Variants in FBXL17 observed in about 807,000 individuals in gnomAD.
FBXL17 encodes F-box and leucine rich repeat protein 17, also known as F-box/LRR-repeat protein 17.
In FBXL17, 22 loss-of-function variants were observed where a neutral mutation model predicts 66.2. That is an observed-to-expected ratio of 0.33 (90% CI 0.24 to 0.47). The LOEUF is 0.47. Ranked by LOEUF, FBXL17 falls within the 20% of genes least tolerant of loss-of-function variation. The pLI, the probability that FBXL17 is intolerant of heterozygous loss-of-function variation, is 1.00. For synonymous variants in FBXL17, 474 were observed against 400.5 expected, an observed-to-expected ratio of 1.18 and a Z score of -2.19; for missense variants, 878 against 948.2, an observed-to-expected ratio of 0.93 and a Z score of 0.97.
At chr5:108,130,109 C>T (rs572627328) in intron 6 of FBXL17, among the ~76,000 whole-genome samples, 8 of 151,584 alleles carry the variant, frequency 5.3e-5, no homozygotes, top group East Asian at 1.9e-4. Flanking sequence ...TTGTCATACA[C>T]GTTTATATAA....
At chr5:108,266,307 A>G (rs529661066) in intron 4 of FBXL17, among the ~76,000 whole-genome samples, 1 of 151,920 alleles carries the variant, frequency 6.6e-6, no homozygotes, top group Admixed American at 6.6e-5. Flanking sequence ...AGAAATTTCC[A>G]GAAATAAAAA....
intron 7 of FBXL17, among the ~76,000 whole-genome samples, chr5:107,905,438 T>C (rs1181627237): frequency 1.3e-5 from 2 of 152,192 alleles, no homozygotes; most frequent in African/African-American, 4.8e-5. Context: ...TTTTTTGTTG[T>C]TGTTGTTAAG....
chr5:107,970,064 G>A (rs774414323), intron 7 of FBXL17, among the ~76,000 whole-genome samples: 15 of 152,134 alleles, frequency 9.9e-5, no homozygotes, highest in Non-Finnish European at 2.1e-4. Context: ...TCAGCTGAAT[G>A]TTTGCTTCAG....
At chr5:107,952,828 T>A (rs1457679471) in intron 7 of FBXL17, among the ~76,000 whole-genome samples, 1 of 152,184 alleles carries the variant, frequency 6.6e-6, no homozygotes, top group African/African-American at 2.4e-5. Context: ...TTAGAATAGG[T>A]AATAAGTTAA....
intron 6 of FBXL17, among the ~76,000 whole-genome samples, chr5:108,036,379 A>G (rs1321052467): frequency 6.6e-6 from 1 of 152,100 alleles, no homozygotes; most frequent in Non-Finnish European, 1.5e-5. Context: ...GTGTCAAATA[A>G]ACTTCTGAAT....
intron 6 of FBXL17, among the ~76,000 whole-genome samples, chr5:108,116,694 G>A (rs936889383): frequency 6.6e-6 from 1 of 151,484 alleles, no homozygotes; most frequent in Non-Finnish European, 1.5e-5. Context: ...AAGTTAATAA[G>A]ATAAAGAATG....
intron 6 of FBXL17, among the ~76,000 whole-genome samples, chr5:108,059,058 T>C (rs931693461): frequency 2.6e-5 from 4 of 152,194 alleles, no homozygotes; most frequent in African/African-American, 9.7e-5. Flanking sequence ...CTGAGCAGTA[T>C]TGCGGAACAA....
rs181397656 is a variant in FBXL17 at position 107,911,905 on chromosome 5, A to T, written c.1823-30726T>A. 3.0e-3 allele frequency among the ~76,000 whole-genome samples: 452 copies of T among 152,288 alleles called. 3 individuals carry two copies. Among genetic ancestry groups the T allele is most frequent in the Non-Finnish European group, 3.0e-3 (204 of 67,996 alleles). On this transcript the variant is annotated intron_variant, in intron 7 of 8. Coordinates refer to ENST00000542267, the MANE Select transcript of FBXL17 (RefSeq NM_001163315.3). ...TACAGAAGAAATAAAACCGGCCAAT[A>T]AATATATTAAAATGTTATACTTCAC...
At chr5:108,243,168 G>A (rs1273141132) in intron 4 of FBXL17, among the ~76,000 whole-genome samples, 3 of 152,174 alleles carry the variant, frequency 2.0e-5, no homozygotes, top group African/African-American at 7.2e-5. Flanking sequence ...TATTGTGAAA[G>A]AGAAAGACAT....
Position 107,958,691 on chromosome 5 carries a change from AAC to A in FBXL17, c.1822+62232_1822+62233del, listed in dbSNP as rs1751765348. Among the ~76,000 whole-genome samples the A allele has an allele frequency of 5.3e-5, 8 of 152,282 alleles. No homozygotes were observed. In the South Asian group the frequency reaches 1.7e-3, roughly 32 times the overall value. On this transcript the variant is annotated intron_variant, in intron 7 of 8. Transcript: ENST00000542267. ...GGTGCTCCTGGCATGCCCCTAAAACAACAGTTTCTTCTTCCAGTCCCTGCCTT... is the reference window on the plus strand; with the variant it reads ...GGTGCTCCTGGCATGCCCCTAAAACAAGTTTCTTCTTCCAGTCCCTGCCTT...
chr5:108,011,928 T>C (rs1754192316), intron 7 of FBXL17, among the ~76,000 whole-genome samples: 1 of 152,162 alleles, frequency 6.6e-6, no homozygotes, highest in African/African-American at 2.4e-5. Flanking sequence ...AAGAAAGCAA[T>C]TGCTTACATT....
At chr5:108,024,506 G>A (rs1415079009) in intron 6 of FBXL17, among the ~76,000 whole-genome samples, 1 of 151,858 alleles carries the variant, frequency 6.6e-6, no homozygotes, top group African/African-American at 2.4e-5. Context: ...AAATGTCTTC[G>A]GTTCATTTAA....
rs74862673 is a variant in FBXL17 at position 107,900,750 on chromosome 5, T to C, written c.1823-19571A>G. On this transcript the variant is annotated intron_variant, in intron 7 of 8. Transcript: ENST00000542267. ...CTTCTACTTAAGTAGTTTGAATTTA[T>C]TGAAGCTCCTAATATAGTAAAATCT... Among the ~76,000 whole-genome samples, 161 of 152,304 alleles carry C rather than the reference T, an allele frequency of 1.1e-3. 2 individuals are homozygous for C. The East Asian group carries it at 0.024, about 22-fold the overall frequency.
intron 4 of FBXL17, among the ~76,000 whole-genome samples, chr5:108,234,546 G>A (rs1489242616): frequency 7.7e-6 from 1 of 129,300 alleles, no homozygotes; most frequent in African/African-American, 2.7e-5. Context: ...AAATGCAAGA[G>A]CAAATCCAAG....
intron 7 of FBXL17, among the ~76,000 whole-genome samples, chr5:107,895,932 T>C (rs555557974): frequency 6.6e-6 from 1 of 152,282 alleles, no homozygotes; most frequent in African/African-American, 2.4e-5. Flanking sequence ...CATCCTCTTT[T>C]GCCCCCTTCA....
At chr5:108,289,622 G>A (rs999999751) in intron 4 of FBXL17, among the ~76,000 whole-genome samples, 1 of 152,112 alleles carries the variant, frequency 6.6e-6, no homozygotes, top group African/African-American at 2.4e-5. Context: ...GTAATCAGGA[G>A]AGGGAAGCAG....
chr5:108,238,618 C>G (rs758352339), intron 4 of FBXL17, among the ~76,000 whole-genome samples: 13 of 152,112 alleles, frequency 8.5e-5, no homozygotes, highest in African/African-American at 3.1e-4. Context: ...TCCGGTAATC[C>G]TCCCACCTCA....
intron 6 of FBXL17, among the ~76,000 whole-genome samples, chr5:108,106,778 A>G (rs1434577788): frequency 6.6e-6 from 1 of 152,214 alleles, no homozygotes; most frequent in African/African-American, 2.4e-5. Flanking sequence ...GCTATGGGTT[A>G]CAGAATTTCT....
chr5:108,229,644 G>A (rs955272862), intron 4 of FBXL17, among the ~76,000 whole-genome samples: 3 of 152,060 alleles, frequency 2.0e-5, no homozygotes, highest in Admixed American at 6.6e-5. Flanking sequence ...AACCCTTGTA[G>A]ACACTGGCTT....
Sources: allele counts gnomAD v4.1 joint callset (sites outside exome capture counted in the v4.1 genomes callset), GRCh38; gene constraint gnomAD v4.1.1; transcripts MANE v1.5; gene names NCBI Gene and HGNC (gene_info 2026-07-23, HGNC 2026-07-21).